LPIN1: variants seen among roughly 807,000 people sequenced by gnomAD.
LPIN1 encodes phosphatidate phosphatase LPIN1.
In LPIN1, 71 loss-of-function variants were observed where a neutral mutation model predicts 107.5. The observed-to-expected ratio is 0.66, with a 90% CI of 0.55 to 0.80. The LOEUF (loss-of-function observed/expected upper bound fraction) is 0.80. Ranked by LOEUF, LPIN1 falls within the 30% of genes least tolerant of loss-of-function variation. The probability of loss-of-function intolerance (pLI) is 0.00; values close to 1 mark genes in which losing one functional copy is unlikely to be tolerated. For synonymous variants in LPIN1, 445 were observed against 452.6 expected (o/e 0.98, Z 0.21); for missense variants, 1,043 against 1,160.6 (o/e 0.90, Z 1.47).
chr2:11,820,554 A>T, intron 20 of LPIN1, 40 bp downstream of exon 20: 1 of 1,431,364 alleles, frequency 7.0e-7, no homozygotes, highest in Non-Finnish European at 9.9e-7. Flanking sequence ...TGATATCAGT[A>T]CTATTATCTT....
At chr2:11,761,764 G>GT (rs1669872941) in intron 1 of LPIN1, among the ~76,000 whole-genome samples, 1 of 152,052 alleles carries the variant, frequency 6.6e-6, no homozygotes, top group South Asian at 2.1e-4. Flanking sequence ...GGTATATTTT[G>GT]TTTTTTTAAC....
At chr2:11,754,194 T>A (rs896755740) in intron 1 of LPIN1, among the ~76,000 whole-genome samples, 1 of 152,176 alleles carries the variant, frequency 6.6e-6, no homozygotes, top group Non-Finnish European at 1.5e-5. Context: ...AGCTGTAATT[T>A]CCTGCTGATA....
At chr2:11,736,841 C>T (rs1665838143) in intron 1 of LPIN1, among the ~76,000 whole-genome samples, 1 of 152,214 alleles carries the variant, frequency 6.6e-6, no homozygotes, top group Admixed American at 6.5e-5. Flanking sequence ...TCTGCTGTGG[C>T]TGGTGTCTGC....
chr2:11,751,725 G>A (rs1352494506), intron 1 of LPIN1, among the ~76,000 whole-genome samples: 2 of 152,092 alleles, frequency 1.3e-5, no homozygotes, highest in Admixed American at 6.5e-5. Flanking sequence ...GGTGGCAGGC[G>A]CCTGTAGTCC....
chr2:11,785,157 T>A, intron 10 of LPIN1, 81 bp downstream of exon 10: 1 of 1,091,940 alleles, frequency 9.2e-7, no homozygotes, highest in Admixed American at 2.9e-5. Flanking sequence ...AAGGAGTGCG[T>A]GTCAAGGCAG....
intron 1 of LPIN1, among the ~76,000 whole-genome samples, chr2:11,712,278 C>T (rs1663466803): frequency 6.6e-6 from 1 of 152,194 alleles, no homozygotes; most frequent in Non-Finnish European, 1.5e-5. Context: ...CTTTCTTGTC[C>T]TCTCCTCTCC....
chr2:11,811,557 C>G (rs1163816376), intron 17 of LPIN1, among the ~76,000 whole-genome samples: 1 of 152,186 alleles, frequency 6.6e-6, no homozygotes, highest in African/African-American at 2.4e-5. Flanking sequence ...CAATCCAGTT[C>G]TGAGTGAGAT....
chr2:11,778,456 G>A (rs1169384278), intron 6 of LPIN1, among the ~76,000 whole-genome samples: 1 of 152,214 alleles, frequency 6.6e-6, no homozygotes, highest in African/African-American at 2.4e-5. Flanking sequence ...GTCCCTGTTT[G>A]TTGGATACAA....
In LPIN1 at chr2:11,697,165, G is replaced by C. The variant is rs995284284; in HGVS notation, c.82-16591G>C. On this transcript the variant is annotated intron_variant, in intron 1 of 21. Transcript: ENST00000449576. The surrounding 1 kb of genome is among the most constrained non-coding windows in gnomAD (Gnocchi z 4.6). ...CCCTTTTCTGTGGGGCCCTGGGCTT[G>C]TTCTGCATTGTTTCTAAGAGGAGCT... is the stretch of plus-strand genomic sequence containing the variant. Among the ~76,000 whole-genome samples, 1 of 152,232 alleles carries C rather than the reference G, an allele frequency of 6.6e-6. No homozygotes were observed. The highest frequency in any genetic ancestry group is 1.5e-5 in the Non-Finnish European group (1 of 68,040).
intron 1 of LPIN1, among the ~76,000 whole-genome samples, chr2:11,699,451 C>T (rs1054755995): frequency 5.9e-5 from 9 of 151,846 alleles, no homozygotes; most frequent in Admixed American, 3.9e-4. Flanking sequence ...GGGGGGCGTG[C>T]GGAAGAAAGA....
intron 2 of LPIN1, among the ~76,000 whole-genome samples, chr2:11,766,521 A>G (rs1375120003): frequency 6.6e-6 from 1 of 152,180 alleles, no homozygotes; most frequent in African/African-American, 2.4e-5. Flanking sequence ...CACAGAATCT[A>G]CATATTTAAT....
rs12995093 is a variant in LPIN1 at position 11,765,136 on chromosome 2, T to C, written c.-9-397T>C. On this transcript the variant is annotated intron_variant, in intron 1 of 20. Transcript: ENST00000674199. This position sits in a 1 kb window ranked among gnomAD's most constrained non-coding sequence, Gnocchi z 4.4. ...CATGGTGGACACTGATGGGCCGTAA[T>C]GGGCCATGATGGACCGTGATGGGCC... Among the ~76,000 whole-genome samples the C allele has an allele frequency of 6.6e-6, 1 of 151,350 alleles. No homozygotes were observed. The highest frequency in any genetic ancestry group is 1.5e-5 in the Non-Finnish European group (1 of 67,864).
rs1377231589 is a variant in LPIN1 at position 11,786,993 on chromosome 2, G to A, written c.1550-81G>A. ...ACAAACTCTCAGAAAACACTTGTGA[G>A]TGAGCAAATGAAAGGTAGGCCTAAT... On this transcript the variant is annotated intron_variant, in intron 10 of 20. Transcript: ENST00000674199. This position sits in a 1 kb window ranked among gnomAD's most constrained non-coding sequence, Gnocchi z 4.1. 2.2e-6 allele frequency: 2 copies of A among 906,324 alleles called. No individual in the cohort carries two copies. Among genetic ancestry groups the A allele is most frequent in the Non-Finnish European group, 3.7e-6 (2 of 536,676 alleles). The allele number at this position is 906,324 out of a possible 1,614,324, so 56.1% of individuals were successfully genotyped here.
chr2:11,706,830 G>T (rs968777876), intron 1 of LPIN1, among the ~76,000 whole-genome samples: 8 of 152,154 alleles, frequency 5.3e-5, no homozygotes, highest in Non-Finnish European at 8.8e-5. Flanking sequence ...ACTAAAAGAT[G>T]TTTCTAGGTA....
rs747217490 is a variant in LPIN1 at position 11,787,055 on chromosome 2, T to C, written c.1550-19T>C. On this transcript the variant is annotated intron_variant, in intron 10 of 20. Coordinates refer to ENST00000674199, the MANE Select transcript of LPIN1 (RefSeq NM_001349206.2). ...TTTTCTTTTTGTTTTTCCCTGATCCTCTGCAATTGCTGTCACAGATGCATT... is the reference window on the plus strand; with the variant it reads ...TTTTCTTTTTGTTTTTCCCTGATCCCCTGCAATTGCTGTCACAGATGCATT... The C allele has an allele frequency of 2.6e-6, 4 of 1,559,660 alleles. No homozygotes were observed. Among genetic ancestry groups the C allele is most frequent in the Non-Finnish European group, 3.5e-6 (4 of 1,130,036 alleles).
intron 1 of LPIN1, among the ~76,000 whole-genome samples, chr2:11,725,478 A>C (rs1471243098): frequency 2.6e-5 from 4 of 152,166 alleles, no homozygotes; most frequent in Non-Finnish European, 4.4e-5. Context: ...ACTCAGAGAG[A>C]GCCCACAGCA....
chr2:11,746,243 AT>A (rs2148565009), upstream of LPIN1: 1 of 152,472 alleles, frequency 6.6e-6, no homozygotes, highest in East Asian at 1.9e-4. Flanking sequence ...GCCACTGGTG[AT>A]AAGCGGGACC....
chr2:11,777,641 C>T (rs1231402740), intron 6 of LPIN1: 3 of 152,132 alleles, frequency 2.0e-5, no homozygotes, highest in Admixed American at 6.5e-5. Flanking sequence ...ACCACAGCAG[C>T]GAGTGGTTGC....
intron 1 of LPIN1, among the ~76,000 whole-genome samples, chr2:11,684,126 C>T (rs867449656): frequency 5.9e-5 from 9 of 152,220 alleles, no homozygotes; most frequent in Admixed American, 6.5e-5. Context: ...CTCTTGTGAT[C>T]CGAATGGCAG....
Sources: allele counts gnomAD v4.1 joint callset (sites outside exome capture counted in the v4.1 genomes callset), GRCh38; gene constraint gnomAD v4.1.1; non-coding constraint Gnocchi (gnomAD v3.1); transcripts MANE v1.5; gene names NCBI Gene and HGNC (gene_info 2026-07-23, HGNC 2026-07-21).